The following CREM variants were observed in gnomAD, a reference collection of about 807,000 sequenced individuals.
The protein encoded by CREM is cAMP responsive element modulator, also known as cAMP-responsive element modulator.
Under a neutral mutation model 37.3 loss-of-function variants are expected in CREM, and 13 were observed. The ratio of observed to expected loss-of-function variants is 0.35; its 90% CI spans 0.23 to 0.55. CREM has a LOEUF of 0.55. CREM is among the 20% of genes least tolerant of loss of function. The pLI, the probability that CREM is intolerant of heterozygous loss-of-function variation, is 0.88. For synonymous variants in CREM, 124 were observed against 120.2 expected (o/e 1.03, Z -0.21); for missense variants, 296 against 362.3 (o/e 0.82, Z 1.49).
chr10:35,173,661 G>A (rs756887660), intron 3 of CREM, among the ~76,000 whole-genome samples: 1 of 152,186 alleles, frequency 6.6e-6, no homozygotes, highest in South Asian at 2.1e-4. Context: ...AAAACCAATT[G>A]TATAATCTTT....
intron 3 of CREM, among the ~76,000 whole-genome samples, chr10:35,175,367 A>G (rs1202297204): frequency 6.6e-6 from 1 of 152,002 alleles, no homozygotes; most frequent in Non-Finnish European, 1.5e-5. Context: ...AATGGCTTGA[A>G]CCTGGGAGGT....
chr10:35,203,716 T>G (rs2095444415), intron 6 of CREM, among the ~76,000 whole-genome samples: 1 of 145,178 alleles, frequency 6.9e-6, no homozygotes, highest in Non-Finnish European at 1.5e-5. Context: ...AAGTAAAAAG[T>G]TTTTTTTTTT....
chr10:35,166,486 A>G (rs1205679640), intron 3 of CREM, among the ~76,000 whole-genome samples: 2 of 151,710 alleles, frequency 1.3e-5, no homozygotes, highest in Non-Finnish European at 2.9e-5. Context: ...GATTCAACCC[A>G]GGAGGTGGAT....
At chr10:35,206,359 A>T (rs929540327) in intron 6 of CREM, among the ~76,000 whole-genome samples, 1 of 151,976 alleles carries the variant, frequency 6.6e-6, no homozygotes, top group Non-Finnish European at 1.5e-5. Flanking sequence ...AGTACTCAAA[A>T]CTCATAATTT....
chr10:35,205,224 GA>G (rs1325664157), intron 6 of CREM, among the ~76,000 whole-genome samples: 2 of 152,146 alleles, frequency 1.3e-5, no homozygotes, highest in Non-Finnish European at 2.9e-5. Flanking sequence ...TATAAATTAG[GA>G]AACTTTGAGA....
intron 3 of CREM, among the ~76,000 whole-genome samples, chr10:35,163,637 A>C (rs962594194): frequency 6.6e-6 from 1 of 152,020 alleles, no homozygotes. Context: ...GGCCAACAAC[A>C]TGGTAAAACC....
At chr10:35,198,198 A>T (rs553978503) in intron 6 of CREM, among the ~76,000 whole-genome samples, 72 of 152,230 alleles carry the variant, frequency 4.7e-4, no homozygotes, top group African/African-American at 1.7e-3. Context: ...TATTAGCAGC[A>T]TTTACCTACA....
chr10:35,143,443 C>A (rs536201483), intron 2 of CREM, among the ~76,000 whole-genome samples: 1 of 151,980 alleles, frequency 6.6e-6, no homozygotes, highest in Non-Finnish European at 1.5e-5. Flanking sequence ...ATGTTGTAGG[C>A]AGAGTGGAAT....
chr10:35,144,913 A>C (rs906798388), intron 2 of CREM, among the ~76,000 whole-genome samples: 6 of 151,886 alleles, frequency 4.0e-5, no homozygotes, highest in Non-Finnish European at 7.4e-5. Context: ...TAATCCTAGC[A>C]CTTTGGGAGA....
intron 6 of CREM, among the ~76,000 whole-genome samples, chr10:35,191,216 T>C (rs926011634): frequency 6.6e-6 from 1 of 152,032 alleles, no homozygotes; most frequent in Admixed American, 6.6e-5. Flanking sequence ...GCCATTACAA[T>C]GGTACCTTAT....
intron 6 of CREM, among the ~76,000 whole-genome samples, chr10:35,191,209 A>G (rs1235952161): frequency 3.3e-5 from 5 of 151,700 alleles, no homozygotes; most frequent in Non-Finnish European, 7.4e-5. Context: ...TTTTGTTGCC[A>G]TTACAATGGT....
At chr10:35,164,837 C>T (rs1160073107) in intron 3 of CREM, among the ~76,000 whole-genome samples, 1 of 151,966 alleles carries the variant, frequency 6.6e-6, no homozygotes, top group Non-Finnish European at 1.5e-5. Flanking sequence ...ATTATTTGAG[C>T]TCAGGAGTTC....
chr10:35,157,048 G>A (rs1392208575), intron 3 of CREM, among the ~76,000 whole-genome samples: 1 of 152,154 alleles, frequency 6.6e-6, no homozygotes, highest in African/African-American at 2.4e-5. Flanking sequence ...CATTAACAGT[G>A]ATCAAGTACC....
chr10:35,207,158 C>G (rs1038707976), intron 7 of CREM, 107 bp downstream of exon 7: 44 of 1,160,784 alleles, frequency 3.8e-5, no homozygotes, highest in Non-Finnish European at 5.1e-5. Flanking sequence ...TTTGGGAGGC[C>G]AAGGCAGGCG....
intron 3 of CREM, chr10:35,176,118 A>C: frequency 7.3e-7 from 1 of 1,362,864 alleles, no homozygotes; most frequent in Non-Finnish European, 9.8e-7. Context: ...TTTTTATTAG[A>C]TATTTGGAGG....
intron 3 of CREM, among the ~76,000 whole-genome samples, chr10:35,170,347 T>C (rs908374489): frequency 2.6e-5 from 4 of 152,174 alleles, no homozygotes; most frequent in African/African-American, 9.7e-5. Context: ...TCAGGGATAT[T>C]GTTCTAAAAT....
At chr10:35,205,988 C>G (rs2095510006) in intron 6 of CREM, among the ~76,000 whole-genome samples, 1 of 151,416 alleles carries the variant, frequency 6.6e-6, no homozygotes, top group South Asian at 2.1e-4. Flanking sequence ...ATGGCTCACA[C>G]CTGTAATCCC....
In CREM at chr10:35,141,632, GTGT is replaced by G. The variant is rs1399253262; in HGVS notation, c.44+3755_44+3757del. On this transcript the variant is annotated intron_variant, in intron 2 of 7. Coordinates refer to ENST00000685392, the MANE Select transcript of CREM (RefSeq NM_183011.2). The stretch of plus-strand genomic sequence containing the variant: ...TGATTTTGAGGTTCCTGCAGGACAT[GTGT>G]TTGGAGATGTTAAACAGGGATTTGC... Among the ~76,000 whole-genome samples the G allele has an allele frequency of 9.2e-5, 14 of 152,314 alleles. No individual in the cohort carries two copies. The East Asian group carries it at 2.7e-3, about 29-fold the overall frequency.
intron 5 of CREM, among the ~76,000 whole-genome samples, chr10:35,187,121 TA>T (rs2094634706): frequency 1.3e-5 from 1 of 78,826 alleles, no homozygotes; most frequent in African/African-American, 5.3e-5. Context: ...TATAAATATA[TA>T]AATATATTAA....
Sources: gnomAD v4.1 joint callset for allele counts (sites outside exome capture counted in the v4.1 genomes callset) on GRCh38, gnomAD v4.1.1 for gene constraint, MANE v1.5 for transcripts, NCBI Gene and HGNC (gene_info 2026-07-23, HGNC 2026-07-21) for gene names.